Variants in UGT1A8 observed in about 807,000 individuals in gnomAD.
The protein encoded by UGT1A8 is UDP-glucuronosyltransferase 1A8.
UGT1A8 carries 39 observed loss-of-function variants against 45.3 expected under a neutral mutation model. That is an observed-to-expected ratio of 0.86 (90% confidence interval 0.67 to 1.12). The LOEUF is 1.12. UGT1A8 is among the 50% of genes most tolerant of loss of function. UGT1A8 has a pLI of 0.00. For missense variants in UGT1A8, 719 were observed against 664.9 expected, an observed-to-expected ratio of 1.08 and a Z score of -0.90; for synonymous variants, 275 against 249.2, an observed-to-expected ratio of 1.10 and a Z score of -0.97.
intron 1 of UGT1A8, among the ~76,000 whole-genome samples, chr2:233,699,549 C>T (rs540662918): frequency 6.6e-6 from 1 of 152,332 alleles, no homozygotes; most frequent in Non-Finnish European, 1.5e-5. Context: ...ATCATAGAGC[C>T]AGGTCATGGC....
At chr2:233,756,690 C>G (rs1266086020) in intron 1 of UGT1A8, among the ~76,000 whole-genome samples, 2 of 152,102 alleles carry the variant, frequency 1.3e-5, no homozygotes, top group Non-Finnish European at 2.9e-5. Flanking sequence ...TATATAATGA[C>G]GATGAATTTT....
intron 1 of UGT1A8, chr2:233,740,712 A>G (rs1392705535): frequency 6.6e-6 from 1 of 151,804 alleles, no homozygotes; most frequent in Non-Finnish European, 1.5e-5. Context: ...CAAGAGGGTC[A>G]TCTTTGCACC....
chr2:233,667,287 T>C (rs1459678370), intron 1 of UGT1A8, among the ~76,000 whole-genome samples: 2 of 152,204 alleles, frequency 1.3e-5, no homozygotes, highest in Non-Finnish European at 2.9e-5. Flanking sequence ...GGGGAAAGGA[T>C]TCCCTATTTA....
rs144275831 is a variant in UGT1A8, at chr2:233,718,988, C to A, written c.856-48046C>A. 175 of 1,614,210 alleles carry A rather than the reference C, an allele frequency of 1.1e-4. 1 individual carries two copies. In the Middle Eastern group the frequency reaches 1.3e-3, roughly 12 times the overall value. ...TGCGGGAGCTCCATGCCAGAGGCCA[C>A]CAGGCGGTGGTCCTCACCCCAGAGG... On this transcript the variant is annotated intron_variant, in intron 1 of 4. Coordinates refer to ENST00000373450, the MANE Select transcript of UGT1A8 (RefSeq NM_019076.5).
chr2:233,687,974 G>A (rs572846343), intron 1 of UGT1A8, among the ~76,000 whole-genome samples: 107 of 152,256 alleles, frequency 7.0e-4, no homozygotes, highest in Admixed American at 3.9e-3. Context: ...TTCATGTATC[G>A]TAAAATTCAG....
intron 1 of UGT1A8, chr2:233,743,584 G>A: frequency 7.3e-7 from 1 of 1,367,326 alleles, no homozygotes; most frequent in Non-Finnish European, 9.8e-7. Flanking sequence ...AGAGGTCAAA[G>A]GAGAATGGGT....
At chr2:233,653,530 T>G (rs578129969) in intron 1 of UGT1A8, among the ~76,000 whole-genome samples, 1 of 152,230 alleles carries the variant, frequency 6.6e-6, no homozygotes, top group Non-Finnish European at 1.5e-5. Flanking sequence ...ATGAGGTCAG[T>G]CAGAAACCTC....
At chr2:233,644,261 AG>A (rs1282566868) in intron 1 of UGT1A8, among the ~76,000 whole-genome samples, 1 of 152,156 alleles carries the variant, frequency 6.6e-6, no homozygotes, top group African/African-American at 2.4e-5. Context: ...CCCTCAGCCT[AG>A]GGCTGGTTTA....
intron 1 of UGT1A8, among the ~76,000 whole-genome samples, chr2:233,656,690 C>T (rs1285810302): frequency 3.9e-5 from 6 of 152,096 alleles, no homozygotes; most frequent in Non-Finnish European, 8.8e-5. Flanking sequence ...GTTTAAACCA[C>T]AAAAGGGAGG....
At chr2:233,767,325 T>C (rs1479941821) in intron 2 of UGT1A8, among the ~76,000 whole-genome samples, 160 bp downstream of exon 2, 1 of 152,210 alleles carries the variant, frequency 6.6e-6, no homozygotes, top group Non-Finnish European at 1.5e-5. Flanking sequence ...TTGTTGTGGT[T>C]GTTGTCATTG....
intron 1 of UGT1A8, among the ~76,000 whole-genome samples, chr2:233,642,753 G>A (rs1182286590): frequency 1.3e-5 from 2 of 152,216 alleles, no homozygotes; most frequent in Non-Finnish European, 2.9e-5. Context: ...TAACGCTGTG[G>A]TTCTTGCAGA....
intron 1 of UGT1A8, chr2:233,713,397 G>T (rs1559359368): frequency 5.0e-6 from 8 of 1,613,912 alleles, no homozygotes; most frequent in Non-Finnish European, 6.8e-6. Flanking sequence ...GCATAATGAG[G>T]CCCTGATCAG....
intron 1 of UGT1A8, chr2:233,682,818 T>G: frequency 6.3e-7 from 1 of 1,581,160 alleles, no homozygotes; most frequent in Middle Eastern, 1.7e-4. Context: ...TTTAGCACAT[T>G]AAGAATAATC....
At chr2:233,747,843 G>T in intron 1 of UGT1A8, 1 of 1,613,470 alleles carries the variant, frequency 6.2e-7, no homozygotes, top group Admixed American at 1.7e-5. Flanking sequence ...CCTGCAAAGG[G>T]TCAAGAACAT....
Position 233,712,878 on chromosome 2 carries a change from C to T in UGT1A8, c.856-54156C>T, listed in dbSNP as rs555357132. ...TAACTGGAGGAGGGCACTCTGTCTT[C>T]AATTACATGTTGATTTGCTAGGTGT... On this transcript the variant is annotated intron_variant, in intron 1 of 4. Transcript: ENST00000373450. The T allele has an allele frequency of 2.2e-5, 35 of 1,595,112 alleles. No homozygotes were observed. The African/African-American group carries it at 3.5e-4, about 16-fold the overall frequency.
At chr2:233,682,266 C>A in intron 1 of UGT1A8, 1 of 1,614,182 alleles carries the variant, frequency 6.2e-7, no homozygotes, top group Non-Finnish European at 8.5e-7. Context: ...TCTCTATTAA[C>A]AAGTTCATCC....
chr2:233,757,137 G>T (rs1343266624), intron 1 of UGT1A8, among the ~76,000 whole-genome samples: 1 of 151,428 alleles, frequency 6.6e-6, no homozygotes, highest in Non-Finnish European at 1.5e-5. Flanking sequence ...AATGAGCTTG[G>T]ACAGGTGGGC....
intron 1 of UGT1A8, among the ~76,000 whole-genome samples, chr2:233,735,251 C>T (rs915442177): frequency 3.3e-5 from 5 of 152,018 alleles, no homozygotes; most frequent in Admixed American, 6.6e-5. Context: ...TTGAATTGCT[C>T]CCTTTACCAT....
At chr2:233,688,266 T>C (rs1419667563) in intron 1 of UGT1A8, among the ~76,000 whole-genome samples, 1 of 152,266 alleles carries the variant, frequency 6.6e-6, no homozygotes, top group African/African-American at 2.4e-5. Flanking sequence ...CATGGCCGAA[T>C]ATTCCATTGT....
Sources: gnomAD v4.1 joint callset for allele counts (sites outside exome capture counted in the v4.1 genomes callset) on GRCh38, gnomAD v4.1.1 for gene constraint, MANE v1.5 for transcripts, NCBI Gene and HGNC (gene_info 2026-07-23, HGNC 2026-07-21) for gene names.